GPHN: variants seen among roughly 807,000 people sequenced by gnomAD.
GPHN encodes the protein gephyrin.
A neutral mutation model predicts 95.5 loss-of-function variants in GPHN; 17 were observed. The observed-to-expected ratio is 0.18, with a 90% CI of 0.12 to 0.27. The LOEUF is 0.27. GPHN is among the 10% of genes least tolerant of loss of function. The pLI, the probability that GPHN is intolerant of heterozygous loss-of-function variation, is 1.00. For missense variants in GPHN, 660 were observed against 978.1 expected, an observed-to-expected ratio of 0.67 and a Z score of 4.34; for synonymous variants, 320 against 322.5, an observed-to-expected ratio of 0.99 and a Z score of 0.08.
At chr14:67,692,401 A>C in the GPHN span, 3 of 1,609,128 alleles carry the variant, frequency 1.9e-6, no homozygotes, top group Admixed American at 5.1e-5. Context: ...TGTTGACCTC[A>C]AGACCCACAA....
chr14:67,399,993 A>G, the GPHN span, among the ~76,000 whole-genome samples: 2 of 152,154 alleles, frequency 1.3e-5, no homozygotes, highest in Admixed American at 6.5e-5. Context: ...CGTTGCCCCA[A>G]CTCACTCATT....
At chr14:66,712,277 G>A (rs555964760) in intron 2 of GPHN, among the ~76,000 whole-genome samples, 8 of 152,056 alleles carry the variant, frequency 5.3e-5, no homozygotes, top group Non-Finnish European at 7.4e-5. Flanking sequence ...TTTAATGATC[G>A]CCATTCTAAC....
At chr14:67,569,292 C>A in the GPHN span, 3 of 1,017,746 alleles carry the variant, frequency 2.9e-6, no homozygotes, top group African/African-American at 1.6e-5. Flanking sequence ...GAGAAGACTC[C>A]AAGCAACACC....
At chr14:66,791,838 T>G (rs2059980964) in intron 3 of GPHN, among the ~76,000 whole-genome samples, 1 of 152,176 alleles carries the variant, frequency 6.6e-6, no homozygotes, top group South Asian at 2.1e-4. Flanking sequence ...TCCATTCTCA[T>G]GCTCCTAATA....
chr14:66,787,498 GA>G (rs1158191954), intron 3 of GPHN, among the ~76,000 whole-genome samples: 1 of 151,976 alleles, frequency 6.6e-6, no homozygotes, highest in Non-Finnish European at 1.5e-5. Context: ...AAATTATATG[GA>G]AAAACACAAA....
intron 3 of GPHN, among the ~76,000 whole-genome samples, chr14:66,807,564 A>G (rs768827480): frequency 1.4e-4 from 21 of 152,154 alleles, no homozygotes; most frequent in Non-Finnish European, 8.8e-5. Context: ...ATTTACATCA[A>G]TATGTGTTAC....
the GPHN span, chr14:67,225,066 C>G: frequency 7.4e-5 from 109 of 1,478,012 alleles, no homozygotes; most frequent in Non-Finnish European, 9.7e-5. Context: ...CTCACTTCCT[C>G]TCTATTGATC....
the GPHN span, among the ~76,000 whole-genome samples, chr14:67,223,286 C>T: frequency 6.6e-6 from 1 of 152,050 alleles, no homozygotes; most frequent in African/African-American, 2.4e-5. Context: ...AGGCGTGAGC[C>T]ACTGCGCCTG....
At chr14:67,431,714 G>A in the GPHN span, among the ~76,000 whole-genome samples, 82 of 152,062 alleles carry the variant, frequency 5.4e-4, no homozygotes, top group Non-Finnish European at 6.5e-4. Context: ...AGCAGCAGCA[G>A]CAGACCAAAA....
At chr14:66,997,403 A>G (rs926419178) in intron 9 of GPHN, among the ~76,000 whole-genome samples, 7 of 150,498 alleles carry the variant, frequency 4.7e-5, no homozygotes, top group Admixed American at 1.3e-4. Context: ...TCAGTAGCCT[A>G]TGAATTTTAA....
At chr14:67,248,568 A>G in the GPHN span, among the ~76,000 whole-genome samples, 113 of 152,294 alleles carry the variant, frequency 7.4e-4, no homozygotes, top group African/African-American at 2.6e-3. Context: ...AATAGTCTCA[A>G]ACACCCTCAA....
intron 13 of GPHN, among the ~76,000 whole-genome samples, chr14:67,103,302 C>G (rs2077830021): frequency 6.6e-6 from 1 of 152,078 alleles, no homozygotes; most frequent in South Asian, 2.1e-4. Context: ...GGGAAGCCTC[C>G]AGTTTTCTTC....
chr14:66,929,958 G>A (rs1053071556), intron 8 of GPHN, among the ~76,000 whole-genome samples: 6 of 152,026 alleles, frequency 3.9e-5, no homozygotes, highest in South Asian at 2.1e-4. Flanking sequence ...TGATCCGCCC[G>A]CCTCGGCCTC....
intron 2 of GPHN, among the ~76,000 whole-genome samples, chr14:66,773,349 A>C (rs186385502): frequency 7.3e-4 from 108 of 146,988 alleles, no homozygotes; most frequent in Non-Finnish European, 1.3e-3. Flanking sequence ...GATTTGGGGA[A>C]ATCTTTTTTT....
Position 66,689,784 on chromosome 14 carries a change from C to A in GPHN, c.143+8599C>A, listed in dbSNP as rs115318318. Among the ~76,000 whole-genome samples, 477 of 152,022 alleles carry A rather than the reference C, an allele frequency of 3.1e-3. 4 individuals carry two copies. The highest frequency in any genetic ancestry group is 1.0e-2 in the African/African-American group (413 of 41,498). On this transcript the variant is annotated intron_variant, in intron 2 of 22. Transcript: ENST00000478722. ...TGTGGTAGGTTGTTTGTGTCCAGGACCATTTCTGCTAGGTTTTCTAATTTG... is the reference window on the plus strand; with the variant it reads ...TGTGGTAGGTTGTTTGTGTCCAGGAACATTTCTGCTAGGTTTTCTAATTTG...
At chr14:67,187,851 T>C in the GPHN span, among the ~76,000 whole-genome samples, 3 of 152,286 alleles carry the variant, frequency 2.0e-5, no homozygotes, top group East Asian at 3.9e-4. Flanking sequence ...CTAAGTACCC[T>C]TCATCTGTGC....
intron 5 of GPHN, among the ~76,000 whole-genome samples, chr14:66,887,159 C>A (rs1301030911): frequency 1.3e-5 from 2 of 152,150 alleles, no homozygotes; most frequent in Non-Finnish European, 2.9e-5. Flanking sequence ...ACCTACCCTG[C>A]TGGAGTATAA....
At chr14:67,166,858 C>T (rs568703866) in intron 20 of GPHN, among the ~76,000 whole-genome samples, 56 of 152,182 alleles carry the variant, frequency 3.7e-4, no homozygotes, top group Admixed American at 7.2e-4. Context: ...TTTGTAGAGA[C>T]GGGGTTTCAC....
At chr14:67,116,112 G>A (rs1401096015) in intron 16 of GPHN, among the ~76,000 whole-genome samples, 1 of 151,950 alleles carries the variant, frequency 6.6e-6, no homozygotes, top group South Asian at 2.1e-4. Context: ...GACCAGCCTG[G>A]GCAACATGGC....
Sources: allele counts gnomAD v4.1 joint callset (sites outside exome capture counted in the v4.1 genomes callset), GRCh38; gene constraint gnomAD v4.1.1; transcripts MANE v1.5; gene names NCBI Gene and HGNC (gene_info 2026-07-23, HGNC 2026-07-21).